CACNA2D3: variants seen among roughly 807,000 people sequenced by gnomAD.
CACNA2D3 encodes the protein voltage-dependent calcium channel subunit alpha-2/delta-3.
A neutral mutation model predicts 160.6 loss-of-function variants in CACNA2D3; 60 were observed. That is an observed-to-expected ratio of 0.37 (90% CI 0.30 to 0.46). The LOEUF is 0.46. Ranked by LOEUF, CACNA2D3 falls within the 20% of genes least tolerant of loss-of-function variation. The pLI is 1.00. For synonymous variants in CACNA2D3, 558 were observed against 492.9 expected, an observed-to-expected ratio of 1.13 and a Z score of -1.75; for missense variants, 1,205 against 1,365.0, an observed-to-expected ratio of 0.88 and a Z score of 1.85.
At chr3:55,018,945 C>A (rs1430292925) in intron 35 of CACNA2D3, among the ~76,000 whole-genome samples, 5 of 141,212 alleles carry the variant, frequency 3.5e-5, no homozygotes, top group Middle Eastern at 3.7e-3. Flanking sequence ...TTTACAGATG[C>A]CTTTTTTTTT....
chr3:54,433,727 A>G (rs1358343168), intron 4 of CACNA2D3, among the ~76,000 whole-genome samples: 1 of 152,186 alleles, frequency 6.6e-6, no homozygotes, highest in Non-Finnish European at 1.5e-5. Context: ...CTCACACATT[A>G]TGAACAGAGT....
chr3:54,141,061 C>CTGTGTGTGTGTGTGTGTGTGTGTGTG lies in CACNA2D3; in HGVS notation c.204+17468_204+17493dup, dbSNP rs55833247. Among the ~76,000 whole-genome samples, 286 of 129,446 alleles carry CTGTGTGTGTGTGTGTGTGTGTGTGTG rather than the reference C, an allele frequency of 2.2e-3. 2 individuals carry two copies. The highest frequency in any genetic ancestry group is 0.013 in the East Asian group (55 of 4,252). The allele number at this position is 129,446 out of a possible 152,430, so 84.9% of individuals were successfully genotyped here. A position where few individuals can be genotyped will look rare whatever the true frequency, so the allele number is the denominator to read the frequency against. The stretch of plus-strand genomic sequence containing the variant: ...ACACTGTCTGATCTGCAGGTGAAAC[C>CTGTGTGTGTGTGTGTGTGTGTGTGTG]TGTGTGTGTGTGTGTGTGTGTGTGT... On this transcript the variant is annotated intron_variant, in intron 2 of 37. Transcript: ENST00000474759.
chr3:54,668,575 G>A (rs1042685217), intron 11 of CACNA2D3, among the ~76,000 whole-genome samples: 1 of 151,636 alleles, frequency 6.6e-6, no homozygotes, highest in South Asian at 2.1e-4. Context: ...CATTTGCTTT[G>A]TATCGGGGAG....
intron 9 of CACNA2D3, among the ~76,000 whole-genome samples, chr3:54,599,851 C>T (rs892529095): frequency 6.6e-6 from 1 of 152,172 alleles, no homozygotes; most frequent in African/African-American, 2.4e-5. Context: ...AGTGCCAGGA[C>T]ATCTGAGCCT....
chr3:54,790,438 G>A (rs1318123385), intron 13 of CACNA2D3, among the ~76,000 whole-genome samples: 1 of 152,200 alleles, frequency 6.6e-6, no homozygotes, highest in East Asian at 1.9e-4. Flanking sequence ...GGTGAAGTAA[G>A]TGTGCAGAGA....
intron 2 of CACNA2D3, among the ~76,000 whole-genome samples, chr3:54,223,670 A>G (rs1456519970): frequency 6.6e-6 from 1 of 152,054 alleles, no homozygotes; most frequent in Non-Finnish European, 1.5e-5. Flanking sequence ...CCTGACCAAC[A>G]TGGTGAAACC....
chr3:54,991,348 G>A (rs1336230155), intron 31 of CACNA2D3, among the ~76,000 whole-genome samples: 3 of 151,144 alleles, frequency 2.0e-5, no homozygotes, highest in Non-Finnish European at 2.9e-5. Context: ...TCATCCTCCC[G>A]AGTAGCTGGG....
chr3:54,438,163 T>C (rs1700088123), intron 4 of CACNA2D3, among the ~76,000 whole-genome samples: 1 of 152,224 alleles, frequency 6.6e-6, no homozygotes, highest in African/African-American at 2.4e-5. Context: ...GCTCTTTGCA[T>C]GAGGAAAACT....
At chr3:54,426,908 T>C (rs1429908637) in intron 4 of CACNA2D3, among the ~76,000 whole-genome samples, 1 of 152,206 alleles carries the variant, frequency 6.6e-6, no homozygotes, top group African/African-American at 2.4e-5. Context: ...TCAAAGATAA[T>C]ATGCTGTTAA....
At chr3:54,481,617 C>T (rs1700934290) in intron 4 of CACNA2D3, among the ~76,000 whole-genome samples, 1 of 152,204 alleles carries the variant, frequency 6.6e-6, no homozygotes, top group African/African-American at 2.4e-5. Context: ...ACACGGCCTT[C>T]ATTCTCCAGA....
chr3:54,812,318 A>T (rs998684268), intron 13 of CACNA2D3, among the ~76,000 whole-genome samples: 3 of 152,198 alleles, frequency 2.0e-5, no homozygotes, highest in Non-Finnish European at 4.4e-5. Flanking sequence ...TTTGCTACCA[A>T]TTGCAGGTAT....
intron 3 of CACNA2D3, among the ~76,000 whole-genome samples, chr3:54,354,704 G>A (rs889252344): frequency 7.2e-5 from 11 of 152,214 alleles, no homozygotes; most frequent in Non-Finnish European, 1.3e-4. Flanking sequence ...TCTACCTCGA[G>A]GCTGGAGTGT....
At chr3:55,049,926 C>T (rs964888644) in intron 35 of CACNA2D3, among the ~76,000 whole-genome samples, 8 of 150,562 alleles carry the variant, frequency 5.3e-5, no homozygotes, top group African/African-American at 1.7e-4. Flanking sequence ...GGATTGCAAC[C>T]CCTGCCTTTT....
At chr3:54,282,303 G>T (rs1467819306) in intron 2 of CACNA2D3, among the ~76,000 whole-genome samples, 3 of 152,232 alleles carry the variant, frequency 2.0e-5, no homozygotes, top group South Asian at 2.1e-4. Context: ...ATTAACATAG[G>T]TATAGAGATG....
chr3:54,869,254 C>T (rs1052314161), intron 17 of CACNA2D3, among the ~76,000 whole-genome samples: 3 of 152,178 alleles, frequency 2.0e-5, no homozygotes, highest in Non-Finnish European at 4.4e-5. Context: ...GTGGGGTGTC[C>T]TCTACCATAC....
chr3:54,742,464 A>G (rs1575452453), intron 11 of CACNA2D3, among the ~76,000 whole-genome samples: 1 of 152,116 alleles, frequency 6.6e-6, no homozygotes, highest in South Asian at 2.1e-4. Context: ...AACTTACCCC[A>G]AGGCCTCACA....
chr3:54,618,846 A>G (rs1241959109), intron 9 of CACNA2D3, among the ~76,000 whole-genome samples: 1 of 152,180 alleles, frequency 6.6e-6, no homozygotes, highest in Non-Finnish European at 1.5e-5. Flanking sequence ...GGTGTTGGCT[A>G]TCAATACGTA....
chr3:54,245,845 T>G (rs1214099473), intron 2 of CACNA2D3, among the ~76,000 whole-genome samples: 1 of 152,226 alleles, frequency 6.6e-6, no homozygotes, highest in East Asian at 1.9e-4. Context: ...GAATGATTAC[T>G]TTTAAAAGAG....
intron 4 of CACNA2D3, among the ~76,000 whole-genome samples, chr3:54,410,330 G>T (rs1488908701): frequency 6.6e-6 from 1 of 152,030 alleles, no homozygotes; most frequent in Non-Finnish European, 1.5e-5. Context: ...CTCCAGCCTG[G>T]GCAACAGAGC....
Sources: allele counts gnomAD v4.1 joint callset (sites outside exome capture counted in the v4.1 genomes callset), GRCh38; gene constraint gnomAD v4.1.1; transcripts MANE v1.5; gene names NCBI Gene and HGNC (gene_info 2026-07-23, HGNC 2026-07-21).